Variants in CSMD1 observed in about 807,000 individuals in gnomAD.
CSMD1 encodes CUB and sushi domain-containing protein 1.
A neutral mutation model predicts 417.5 loss-of-function variants in CSMD1; 213 were observed. The observed-to-expected ratio is 0.51, with a 90% CI of 0.46 to 0.57. CSMD1 has a LOEUF of 0.57. CSMD1 is among the 20% of genes least tolerant of loss of function. The probability of loss-of-function intolerance (pLI) is 0.00; values close to 1 mark genes in which losing one functional copy is unlikely to be tolerated. For missense variants in CSMD1, 6,923 were observed against 4,529.7 expected (o/e 1.53, Z -15.17); for synonymous variants, 2,862 against 1,736.8 (o/e 1.65, Z -16.11).
chr8:2,978,701 T>C lies in CSMD1; in HGVS notation c.8477A>G (p.His2826Arg). 1.2e-6 allele frequency: 2 copies of C among 1,612,752 alleles called. No individual in the cohort carries two copies. The highest frequency in any genetic ancestry group is 4.5e-5 in the East Asian group (2 of 44,820). Residue 2826 changes from histidine (H) to arginine (R), a missense_variant, in exon 55 of 70, where the codon CAT becomes CGT. Physicochemically the swap from His to Arg is conservative, Grantham distance 29 (BLOSUM62 0). Transcript: ENST00000635120. ...SFEYGMSILY[H>R]CKKGFYLLGS... Reference sequence around the variant, plus strand: ...CAGCAAGTAAAATCCCTTCTTGCAATGGTACAGGATACTCATTCCATACTC... The same window carrying C: ...CAGCAAGTAAAATCCCTTCTTGCAACGGTACAGGATACTCATTCCATACTC...
At chr8:4,693,043 T>C (rs1806877494) in intron 1 of CSMD1, among the ~76,000 whole-genome samples, 1 of 152,194 alleles carries the variant, frequency 6.6e-6, no homozygotes, top group South Asian at 2.1e-4. Context: ...CAATCTTCTC[T>C]GGGTGCTGTG....
chr8:3,508,988 T>A (rs1160541465), intron 10 of CSMD1, among the ~76,000 whole-genome samples: 1 of 152,186 alleles, frequency 6.6e-6, no homozygotes, highest in Admixed American at 6.5e-5. Context: ...AGTGAGAATA[T>A]CTCAGTGCAA....
At chr8:4,794,469 C>A (rs558279147) in intron 1 of CSMD1, among the ~76,000 whole-genome samples, 1 of 152,064 alleles carries the variant, frequency 6.6e-6, no homozygotes, top group Admixed American at 6.6e-5. Context: ...CTCTTAAAAT[C>A]CAGTACAAAA....
intron 30 of CSMD1, among the ~76,000 whole-genome samples, chr8:3,209,149 T>A (rs1458963423): frequency 6.6e-6 from 1 of 152,170 alleles, no homozygotes; most frequent in Admixed American, 6.5e-5. Context: ...TGTCTTTTAC[T>A]ACCTTGATAA....
intron 1 of CSMD1, among the ~76,000 whole-genome samples, chr8:4,644,464 C>T (rs994209092): frequency 4.6e-5 from 7 of 152,178 alleles, no homozygotes; most frequent in Non-Finnish European, 7.4e-5. Context: ...TAGAGTGCAG[C>T]GGCGCTATCT....
At chr8:4,272,342 G>A (rs971742316) in intron 3 of CSMD1, among the ~76,000 whole-genome samples, 7 of 152,114 alleles carry the variant, frequency 4.6e-5, no homozygotes, top group African/African-American at 1.4e-4. Context: ...ACAAAAGCAT[G>A]TTATTCCACT....
chr8:3,987,999 G>C lies in CSMD1; in HGVS notation c.818+9904C>G, dbSNP rs144924472. ...CTTTTTAACTCAATTTTCTTGAAAAGAGCTCAAAATGATTTTACTTTCAAC... is the reference window on the plus strand; with the variant it reads ...CTTTTTAACTCAATTTTCTTGAAAACAGCTCAAAATGATTTTACTTTCAAC... On this transcript the variant is annotated intron_variant, in intron 5 of 69. Coordinates refer to ENST00000635120, the MANE Select transcript of CSMD1 (RefSeq NM_033225.6). Among the ~76,000 whole-genome samples, 730 of 152,286 alleles carry C rather than the reference G, an allele frequency of 4.8e-3. 6 individuals carry two copies. The highest frequency in any genetic ancestry group is 0.011 in the African/African-American group (446 of 41,558).
At chr8:4,045,765 T>G (rs1229324201) in intron 3 of CSMD1, among the ~76,000 whole-genome samples, 3 of 152,182 alleles carry the variant, frequency 2.0e-5, no homozygotes, top group African/African-American at 7.2e-5. Flanking sequence ...ACACAAAGAC[T>G]AAATTACACA....
intron 62 of CSMD1, 87 bp from the exon 63 acceptor site, chr8:2,957,894 A>C: frequency 1.1e-6 from 1 of 886,546 alleles, no homozygotes; most frequent in South Asian, 1.5e-5. Flanking sequence ...ACGCCCGAGT[A>C]AAAGTACAGC....
intron 10 of CSMD1, among the ~76,000 whole-genome samples, chr8:3,543,197 C>A (rs1798516453): frequency 6.6e-6 from 1 of 152,174 alleles, no homozygotes. Context: ...TTTTGAGAAA[C>A]TGGTAAGTCT....
At chr8:3,441,839 C>T (rs564271655) in intron 12 of CSMD1, among the ~76,000 whole-genome samples, 2 of 61,734 alleles carry the variant, frequency 3.2e-5, no homozygotes, top group South Asian at 1.1e-3. Context: ...GCTCCTTATA[C>T]TTACATTAAA....
chr8:4,903,271 G>C (rs1014711839), intron 1 of CSMD1, among the ~76,000 whole-genome samples: 1 of 152,192 alleles, frequency 6.6e-6, no homozygotes, highest in African/African-American at 2.4e-5. Context: ...ATTCCCTGGA[G>C]TGAATTACAG....
intron 3 of CSMD1, among the ~76,000 whole-genome samples, chr8:4,306,248 C>T (rs993297478): frequency 6.6e-5 from 10 of 152,162 alleles, no homozygotes; most frequent in African/African-American, 1.9e-4. Context: ...ACTAACAATA[C>T]GTGGTGGCAC....
At chr8:3,421,048 G>T (rs995257446) in intron 12 of CSMD1, among the ~76,000 whole-genome samples, 1 of 152,050 alleles carries the variant, frequency 6.6e-6, no homozygotes, top group Admixed American at 6.6e-5. Flanking sequence ...CTGTGGTGGT[G>T]GTCATTTTAT....
At chr8:4,359,068 A>T (rs1425917526) in intron 3 of CSMD1, among the ~76,000 whole-genome samples, 1 of 152,178 alleles carries the variant, frequency 6.6e-6, no homozygotes. Flanking sequence ...ATACGAATGA[A>T]GTATTCCAGT....
chr8:3,800,433 T>C (rs971964976), intron 5 of CSMD1, among the ~76,000 whole-genome samples: 16 of 152,148 alleles, frequency 1.1e-4, no homozygotes, highest in African/African-American at 3.4e-4. Flanking sequence ...TGAGAAATAG[T>C]ATAAATTCTA....
intron 2 of CSMD1, among the ~76,000 whole-genome samples, chr8:4,435,442 T>C (rs1214072206): frequency 6.6e-6 from 1 of 152,242 alleles, no homozygotes; most frequent in East Asian, 1.9e-4. Flanking sequence ...TCTAGTTTTG[T>C]TAAACTTATC....
At chr8:3,847,450 C>T (rs114408830) in intron 5 of CSMD1, among the ~76,000 whole-genome samples, 2,612 of 152,168 alleles carry the variant, frequency 0.017, 70 homozygotes, top group African/African-American at 0.06. Context: ...TTTTGGGGTC[C>T]TGAGCATCTC....
intron 7 of CSMD1, among the ~76,000 whole-genome samples, chr8:3,637,799 G>C (rs1005219829): frequency 6.6e-6 from 1 of 152,182 alleles, no homozygotes; most frequent in African/African-American, 2.4e-5. Flanking sequence ...GAGGGACCCA[G>C]TGGGAAGTAA....
Sources: gnomAD v4.1 joint callset for allele counts (sites outside exome capture counted in the v4.1 genomes callset) on GRCh38, gnomAD v4.1.1 for gene constraint, MANE v1.5 for transcripts, NCBI Gene and HGNC (gene_info 2026-07-23, HGNC 2026-07-21) for gene names.